Variants in ZMYND8 observed in about 807,000 individuals in gnomAD.
The protein encoded by ZMYND8 is MYND-type zinc finger-containing chromatin reader ZMYND8.
Under a neutral mutation model 140.8 loss-of-function variants are expected in ZMYND8, and 37 were observed. The observed-to-expected ratio is 0.26, with a 90% confidence interval of 0.20 to 0.35. The LOEUF (loss-of-function observed/expected upper bound fraction) is 0.35. ZMYND8 is among the 10% of genes least tolerant of loss of function. The pLI is 1.00. For synonymous variants in ZMYND8, 592 were observed against 597.1 expected (o/e 0.99, Z 0.12); for missense variants, 1,068 against 1,570.0 (o/e 0.68, Z 5.40).
At chr20:47,352,771 G>A (rs2082903782) in intron 1 of ZMYND8, 1 of 153,104 alleles carries the variant, frequency 6.5e-6, no homozygotes, top group Admixed American at 6.5e-5. Context: ...GGGGGGGACA[G>A]GCTGGCAGCA....
In ZMYND8 at chr20:47,291,785, C is replaced by T. The variant is rs537509952; in HGVS notation, c.660+11G>A. 1.6e-5 allele frequency: 26 copies of T among 1,605,680 alleles called. 1 individual carries two copies. The highest frequency in any genetic ancestry group is 9.0e-5 in the South Asian group (8 of 89,228). On this transcript the variant is annotated intron_variant, in intron 6 of 22. Coordinates refer to ENST00000471951, the MANE Select transcript of ZMYND8 (RefSeq NM_001281775.3). Reference sequence around the variant, plus strand: ...GGGCTAGAATGGTGAGGTTCTTTGACGGAGGCCAACCTTTTCCAATGTACA... The same window carrying T: ...GGGCTAGAATGGTGAGGTTCTTTGATGGAGGCCAACCTTTTCCAATGTACA...
intron 12 of ZMYND8, among the ~76,000 whole-genome samples, chr20:47,256,926 A>ACTG (rs1331348700): frequency 6.6e-6 from 1 of 152,206 alleles, no homozygotes; most frequent in Non-Finnish European, 1.5e-5. Flanking sequence ...AGGACTACTG[A>ACTG]CTGCTGAGTT....
intron 1 of ZMYND8, chr20:47,349,777 A>C: frequency 2.0e-6 from 3 of 1,509,382 alleles, no homozygotes; most frequent in Non-Finnish European, 2.7e-6. Flanking sequence ...TTTGAGTAAT[A>C]GAGAAAACGC....
At chr20:47,273,205 G>C (rs990144300) in intron 11 of ZMYND8, among the ~76,000 whole-genome samples, 2 of 152,086 alleles carry the variant, frequency 1.3e-5, no homozygotes, top group Admixed American at 6.6e-5. Flanking sequence ...AGCGAAGAAA[G>C]GTATTTTAAC....
intron 2 of ZMYND8, among the ~76,000 whole-genome samples, chr20:47,315,715 G>A (rs956910505): frequency 6.6e-6 from 1 of 152,036 alleles, no homozygotes; most frequent in Admixed American, 6.6e-5. Flanking sequence ...TATAAACTTT[G>A]AACAATGACA....
Position 47,330,884 on chromosome 20 carries a change from T to A in ZMYND8, c.85+16972A>T, listed in dbSNP as rs1036094441. On this transcript the variant is annotated intron_variant, in intron 2 of 22. Coordinates refer to ENST00000471951, the MANE Select transcript of ZMYND8 (RefSeq NM_001281775.3). ...CGCTCACCAGCAGCAGGCAAGGTGG[T>A]AGTAAAACAGGATGAGCAAAAACAA... Among the ~76,000 whole-genome samples, 2 of 152,164 alleles carry A rather than the reference T, an allele frequency of 1.3e-5. 1 individual carries two copies. The highest frequency in any genetic ancestry group is 2.9e-5 in the Non-Finnish European group (2 of 68,022).
chr20:47,236,398 T>G lies in ZMYND8; in HGVS notation c.2784A>C (p.Ser928=). 6.2e-7 allele frequency: 1 copy of G among 1,614,174 alleles called. No homozygotes were observed. The highest frequency in any genetic ancestry group is 8.5e-7 in the Non-Finnish European group (1 of 1,180,022). The change falls in exon 16 of 23, where the codon TCA becomes TCC. Residue 928 remains serine, a synonymous_variant. Coordinates refer to ENST00000471951, the MANE Select transcript of ZMYND8 (RefSeq NM_001281775.3). ...TGGCGATGGGCAGGTCAGCGTTGACTGAGGACACAAGGGTGCTCATGGACC... is the reference window on the plus strand; with the variant it reads ...TGGCGATGGGCAGGTCAGCGTTGACGGAGGACACAAGGGTGCTCATGGACC... ...SSGSMSTLVS[S]VNADLPIATA...
intron 16 of ZMYND8, among the ~76,000 whole-genome samples, chr20:47,234,465 A>C (rs927905438): frequency 1.3e-4 from 20 of 152,162 alleles, no homozygotes; most frequent in African/African-American, 4.8e-4. Flanking sequence ...CCACCACCTA[A>C]ATGACCTTGA....
intron 11 of ZMYND8, among the ~76,000 whole-genome samples, chr20:47,264,287 G>C (rs1368331685): frequency 1.3e-5 from 2 of 152,072 alleles, no homozygotes; most frequent in Non-Finnish European, 2.9e-5. Flanking sequence ...CTTTGCTTTT[G>C]TTTTTTTGAG....
At chr20:47,353,695 G>A (rs1316483060) in intron 1 of ZMYND8, 2 of 152,176 alleles carry the variant, frequency 1.3e-5, no homozygotes, top group Non-Finnish European at 2.9e-5. Context: ...TCCTCTTTGG[G>A]GACTGAGGAG....
chr20:47,298,274 A>G lies in ZMYND8; in HGVS notation c.453+455T>C. On this transcript the variant is annotated intron_variant, in intron 4 of 22. Coordinates refer to ENST00000471951, the MANE Select transcript of ZMYND8 (RefSeq NM_001281775.3). This position sits in a 1 kb window ranked among gnomAD's most constrained non-coding sequence, Gnocchi z 5.0. ...AAGAAATACTTGTTGCACAAAAGAA[A>G]GCACCAGACGGCCACTACAGGGAAC... is the stretch of plus-strand genomic sequence containing the variant. The G allele has an allele frequency of 1.0e-6, 1 of 985,438 alleles. No individual in the cohort carries two copies. Among genetic ancestry groups the G allele is most frequent in the Non-Finnish European group, 1.2e-6 (1 of 829,930 alleles). 61.0% of individuals were successfully genotyped at this position (985,438 alleles called of 1,614,324 possible).
chr20:47,249,495 A>G, intron 12 of ZMYND8, 56 bp from the exon 13 acceptor site: 11 of 1,575,908 alleles, frequency 7.0e-6, no homozygotes, highest in Non-Finnish European at 9.5e-6. Flanking sequence ...CTCATCACGG[A>G]GCTTCGTCCT....
At position 47,265,377 on chromosome 20, in the gene ZMYND8, T is replaced by C. The variant is rs969681296; in HGVS notation, c.1481-2949A>G. ...AACAAACAAAAACACGCAAAGATGC[T>C]GTTGCACGTAGAACACAGCCAAGTG... is the stretch of plus-strand genomic sequence containing the variant. On this transcript the variant is annotated intron_variant, in intron 11 of 22. Coordinates refer to ENST00000471951, the MANE Select transcript of ZMYND8 (RefSeq NM_001281775.3). Among the ~76,000 whole-genome samples, 6 of 152,154 alleles carry C rather than the reference T, an allele frequency of 3.9e-5. No homozygotes were observed. The South Asian group carries it at 6.2e-4, about 16-fold the overall frequency.
At position 47,276,443 on chromosome 20, in the gene ZMYND8, G is replaced by A. The variant is rs1353668491; in HGVS notation, c.1351C>T (p.Arg451Cys). ...GRRISLSDMP[R>C]SPMSTNSSVH... ...GAAGAGTTTGTGCTCATGGGGGAGC[G>A]CGGCATATCCGACAAGGAAATCCGG... Residue 451 changes from arginine (R) to cysteine (C), a missense_variant, in exon 11 of 23, where the codon CGC becomes TGC. Around this residue, in one of 10 missense-constraint regions of ZMYND8, gnomAD observed 173 missense variants for 223.3 expected, o/e 0.77. Coordinates refer to ENST00000471951, the MANE Select transcript of ZMYND8 (RefSeq NM_001281775.3). 7 of 1,613,998 alleles carry A rather than the reference G, an allele frequency of 4.3e-6. No individual in the cohort carries two copies. Among genetic ancestry groups the A allele is most frequent in the Non-Finnish European group, 5.9e-6 (7 of 1,180,000 alleles).
In ZMYND8 at chr20:47,249,345, A is replaced by G; in HGVS notation, c.1716T>C (p.Ile572=). Residue 572 remains isoleucine (I), a synonymous_variant, in exon 13 of 23, where the codon ATT becomes ATC. Coordinates refer to ENST00000471951, the MANE Select transcript of ZMYND8 (RefSeq NM_001281775.3). ...PVPLISPKRQ[I]RSRFQLNLDK... is the part of the protein sequence containing the mutation. ...CAAGATTCAGCTGGAACCTGCTACG[A>G]ATCTGGCGCTTGGGAGAGATGAGAG... 2 of 1,614,138 alleles carry G rather than the reference A, an allele frequency of 1.2e-6. No homozygotes were observed.
At chr20:47,302,093 T>C (rs1359285041) in intron 3 of ZMYND8, among the ~76,000 whole-genome samples, 1 of 152,224 alleles carries the variant, frequency 6.6e-6, no homozygotes, top group East Asian at 1.9e-4. Flanking sequence ...ATTAAACTGC[T>C]TTCCTTTATA....
At chr20:47,217,167 A>G (rs1371516220) in intron 21 of ZMYND8, among the ~76,000 whole-genome samples, 1 of 152,116 alleles carries the variant, frequency 6.6e-6, no homozygotes, top group Admixed American at 6.6e-5. Context: ...TAGAAACAAG[A>G]CAGTTAGTAG....
chr20:47,277,193 T>C (rs1194358762), intron 10 of ZMYND8, among the ~76,000 whole-genome samples: 1 of 152,190 alleles, frequency 6.6e-6, no homozygotes, highest in Non-Finnish European at 1.5e-5. Context: ...CCATTTGAAA[T>C]AGGAACAGAA....
intron 2 of ZMYND8, among the ~76,000 whole-genome samples, chr20:47,334,675 T>C (rs937681801): frequency 2.6e-5 from 4 of 151,376 alleles, no homozygotes; most frequent in African/African-American, 4.9e-5. Context: ...AGTGGCACGA[T>C]CTTGGCTCAC....
Sources: allele counts gnomAD v4.1 joint callset (sites outside exome capture counted in the v4.1 genomes callset), GRCh38; gene constraint gnomAD v4.1.1; regional missense constraint gnomAD v4.1.1; non-coding constraint Gnocchi (gnomAD v3.1); transcripts MANE v1.5; gene names NCBI Gene and HGNC (gene_info 2026-07-23, HGNC 2026-07-21).